The following FGD2 variants were observed in gnomAD, a reference collection of about 807,000 sequenced individuals.
The protein encoded by FGD2 is FYVE, RhoGEF and PH domain-containing protein 2.
FGD2 carries 52 observed loss-of-function variants against 75.9 expected under a neutral mutation model. The ratio of observed to expected loss-of-function variants is 0.69; its 90% CI spans 0.55 to 0.86. The LOEUF is 0.86. Among genes scored for constraint, FGD2 ranks in the 40% least tolerant of loss-of-function variants. FGD2 has a pLI of 0.00. For missense variants in FGD2, 790 were observed against 872.0 expected (o/e 0.91, Z 1.18); for synonymous variants, 347 against 348.6 (o/e 1.00, Z 0.05).
Position 37,015,873 on chromosome 6 carries a change from C to A in FGD2, c.1122+13C>A. 1 of 1,561,806 alleles carries A rather than the reference C, an allele frequency of 6.4e-7. No individual in the cohort carries two copies. The highest frequency in any genetic ancestry group is 2.4e-5 in the East Asian group (1 of 42,490). On this transcript the variant is annotated intron_variant, in intron 9 of 15. Transcript: ENST00000274963. ...GGCCGGGATGAAGGTAAGAGGCCCCCTAAACACCACTGGGCTCCACCTCAA... is the reference window on the plus strand; with the variant it reads ...GGCCGGGATGAAGGTAAGAGGCCCCATAAACACCACTGGGCTCCACCTCAA...
At chr6:37,022,960 T>C (rs831499) in intron 13 of FGD2, 104,857 of 155,314 alleles carry the variant, frequency 0.68, 37,133 homozygotes, top group East Asian at 0.89. Flanking sequence ...TTGCTGAAGG[T>C]ACCCCTGAAG....
chr6:37,010,596 G>A (rs371859489), intron 2 of FGD2, among the ~76,000 whole-genome samples: 1 of 152,170 alleles, frequency 6.6e-6, no homozygotes, highest in African/African-American at 2.4e-5. Context: ...CGGAAGACTG[G>A]GCTCAGCTGG....
At chr6:37,027,602 G>A (rs201479750) in intron 15 of FGD2, 27 bp downstream of exon 15, 816 of 1,612,610 alleles carry the variant, frequency 5.1e-4, no homozygotes, top group African/African-American at 8.9e-4. Context: ...CCCGCCCCCC[G>A]TCAGGCCCTG....
chr6:37,013,761 T>A lies in FGD2; in HGVS notation c.680T>A (p.Ile227Asn). 1 of 1,613,920 alleles carries A rather than the reference T, an allele frequency of 6.2e-7. No homozygotes were observed. Among genetic ancestry groups the A allele is most frequent in the South Asian group, 1.1e-5 (1 of 91,078 alleles). The change falls in exon 5 of 16, where the codon ATC becomes AAC. Residue 227 changes from isoleucine (I) to asparagine (N), a missense_variant. Physicochemically the swap from Ile to Asn is moderately radical, Grantham distance 149 (BLOSUM62 -3). Transcript: ENST00000274963. Reference protein sequence around the residue: ...SPLFQEVLTRIQSSEASGSLT... With the variant: ...SPLFQEVLTRNQSSEASGSLT... ...CTCTTCCAGGAGGTTCTCACTCGCATCCAGGTGAGGCTGGGGGAGGGCTGG... is the reference window on the plus strand; with the variant it reads ...CTCTTCCAGGAGGTTCTCACTCGCAACCAGGTGAGGCTGGGGGAGGGCTGG...
At chr6:37,020,850 C>CCAAA in intron 11 of FGD2, 111 bp downstream of exon 11, 2 of 1,431,474 alleles carry the variant, frequency 1.4e-6, no homozygotes, top group Non-Finnish European at 1.9e-6. Flanking sequence ...TCTCCCTAGC[C>CCAAA]TATTTGGGCT....
chr6:37,019,855 CTT>C (rs11385767), intron 9 of FGD2, among the ~76,000 whole-genome samples: 32 of 136,206 alleles, frequency 2.3e-4, no homozygotes, highest in East Asian at 1.9e-3. Flanking sequence ...CTTTTCTTTT[CTT>C]TTTTTTTTTT....
chr6:37,016,386 C>T (rs1442689503), intron 9 of FGD2, among the ~76,000 whole-genome samples: 1 of 152,196 alleles, frequency 6.6e-6, no homozygotes, highest in Non-Finnish European at 1.5e-5. Context: ...CCAGTGTCAG[C>T]TCAGCGGCTG....
In FGD2 at chr6:37,014,980, G is replaced by A. The variant is rs750625732; in HGVS notation, c.971G>A (p.Gly324Asp). Reference sequence around the variant, plus strand: ...CCCTCTAACACCCTGCTCCGTGAGGGCCCGGTCCTCAAGATCTCCTTCCGC... The same window carrying A: ...CCCTCTAACACCCTGCTCCGTGAGGACCCGGTCCTCAAGATCTCCTTCCGC... The part of the protein sequence containing the change: ...VDPSNTLLRE[G>D]PVLKISFRRN... Residue 324 changes from glycine (G) to aspartate (D), a missense_variant, in exon 8 of 16, where the codon GGC (glycine) becomes GAC (aspartate). By Grantham distance (94) the Gly-to-Asp change is moderately conservative. Transcript: ENST00000274963. 1.2e-6 allele frequency: 2 copies of A among 1,614,000 alleles called. No homozygotes were observed.
chr6:37,006,522 T>C (rs1764760541), intron 1 of FGD2, among the ~76,000 whole-genome samples: 1 of 152,130 alleles, frequency 6.6e-6, no homozygotes, highest in Non-Finnish European at 1.5e-5. Context: ...TTTAAGTATC[T>C]GGGGCAATGC....
chr6:37,019,522 G>A (rs1765460689), intron 9 of FGD2, among the ~76,000 whole-genome samples: 1 of 152,206 alleles, frequency 6.6e-6, no homozygotes, highest in Non-Finnish European at 1.5e-5. Context: ...AGTGTTTGAG[G>A]AATTTAATGG....
At chr6:37,020,448 T>C in intron 9 of FGD2, 93 bp from the exon 10 acceptor site, 1 of 1,221,824 alleles carries the variant, frequency 8.2e-7, no homozygotes, top group South Asian at 1.3e-5. Flanking sequence ...GAATTGTCCC[T>C]TGGGCACAAT....
rs879026238 is a variant in FGD2, at chr6:37,021,614, G to A, written c.1326+10G>A. 6.2e-7 allele frequency: 1 copy of A among 1,611,188 alleles called. No individual in the cohort carries two copies. Among genetic ancestry groups the A allele is most frequent in the South Asian group, 1.1e-5 (1 of 90,666 alleles). On this transcript the variant is annotated intron_variant, in intron 12 of 15. Coordinates refer to ENST00000274963, the MANE Select transcript of FGD2 (RefSeq NM_173558.4). ...CATCCAGGAGCAGGAGGTAAATGAAGGCTTTTTCATCCCTTGCTGGAGCCA... is the reference window on the plus strand; with the variant it reads ...CATCCAGGAGCAGGAGGTAAATGAAAGCTTTTTCATCCCTTGCTGGAGCCA...
intron 13 of FGD2, 167 bp from the exon 14 acceptor site, chr6:37,025,625 C>T: frequency 1.4e-6 from 1 of 695,488 alleles, no homozygotes; most frequent in Non-Finnish European, 2.4e-6. Flanking sequence ...AGTTGGGCCT[C>T]ACCAGCATGG....
At chr6:37,014,224 A>G in intron 6 of FGD2, 124 bp downstream of exon 6, 2 of 1,171,738 alleles carry the variant, frequency 1.7e-6, no homozygotes, top group Non-Finnish European at 2.4e-6. Context: ...CTGGCACTTC[A>G]TAGACATCAT....
chr6:37,009,076 G>T lies in FGD2; in HGVS notation c.300+11G>T. 3 of 1,612,604 alleles carry T rather than the reference G, an allele frequency of 1.9e-6. No homozygotes were observed. The highest frequency in any genetic ancestry group is 1.1e-5 in the South Asian group (1 of 90,864). ...GGATCGGGGACGCAGGTGCCTGAGG[G>T]CTGAGGTAGAGGTGTGGGGTGCTGG... is the stretch of plus-strand genomic sequence containing the variant. On this transcript the variant is annotated intron_variant, in intron 2 of 15. Coordinates refer to ENST00000274963, the MANE Select transcript of FGD2 (RefSeq NM_173558.4).
At chr6:37,025,688 C>T (rs532891215) in intron 13 of FGD2, 104 bp from the exon 14 acceptor site, 6 of 1,233,928 alleles carry the variant, frequency 4.9e-6, no homozygotes, top group Non-Finnish European at 5.9e-6. Context: ...CTTTTCCTCC[C>T]CCAGTCCCTG....
chr6:37,025,614 C>A, intron 13 of FGD2, 178 bp from the exon 14 acceptor site: 2 of 642,590 alleles, frequency 3.1e-6, no homozygotes, highest in South Asian at 1.9e-5. Flanking sequence ...AGCCTCCAGG[C>A]AGTTGGGCCT....
chr6:37,026,710 C>T (rs1765836902), intron 14 of FGD2, among the ~76,000 whole-genome samples: 2 of 152,114 alleles, frequency 1.3e-5, no homozygotes, highest in African/African-American at 4.8e-5. Flanking sequence ...TTCAAGTTGG[C>T]CTCTTTTGGC....
At chr6:37,022,193 A>G (rs1002589521) in intron 12 of FGD2, 46 bp from the exon 13 acceptor site, 16 of 1,575,312 alleles carry the variant, frequency 1.0e-5, no homozygotes, top group Non-Finnish European at 1.1e-5. Flanking sequence ...TGGGCGGAAG[A>G]AGGTCACCAA....
Sources: allele counts gnomAD v4.1 joint callset (sites outside exome capture counted in the v4.1 genomes callset), GRCh38; gene constraint gnomAD v4.1.1; transcripts MANE v1.5; gene names NCBI Gene and HGNC (gene_info 2026-07-23, HGNC 2026-07-21).